Variants in PCDHA3 observed in about 807,000 individuals in gnomAD.
PCDHA3 encodes protocadherin alpha-3.
Under a neutral mutation model 62.2 loss-of-function variants are expected in PCDHA3, and 41 were observed. That is an observed-to-expected ratio of 0.66 (90% CI 0.51 to 0.86). The LOEUF (loss-of-function observed/expected upper bound fraction) is 0.86. Ranked by LOEUF, PCDHA3 falls within the 40% of genes least tolerant of loss-of-function variation. The pLI is 0.00. For synonymous variants in PCDHA3, 640 were observed against 555.4 expected (o/e 1.15, Z -2.14); for missense variants, 1,304 against 1,241.2 (o/e 1.05, Z -0.76).
At chr5:140,921,287 A>C (rs1563045357) in intron 1 of PCDHA3, among the ~76,000 whole-genome samples, 1 of 152,210 alleles carries the variant, frequency 6.6e-6, no homozygotes. Flanking sequence ...AAAAAACCTC[A>C]AATTTGCTGA....
chr5:140,884,651 T>G (rs2153405863), intron 1 of PCDHA3: 2 of 1,604,404 alleles, frequency 1.2e-6, no homozygotes, highest in Non-Finnish European at 1.7e-6. Flanking sequence ...GGACTCAGAA[T>G]GCTTGAAAGA....
At chr5:140,877,207 G>T in intron 1 of PCDHA3, 1 of 1,613,796 alleles carries the variant, frequency 6.2e-7, no homozygotes, top group Non-Finnish European at 8.5e-7. Flanking sequence ...CGCAGTTAGC[G>T]AGTTGGTACC....
intron 1 of PCDHA3, chr5:140,869,914 G>A (rs782742972): frequency 6.2e-7 from 1 of 1,611,078 alleles, no homozygotes; most frequent in South Asian, 1.1e-5. Context: ...AGACCGAGAC[G>A]AAGGAGTCAA....
intron 1 of PCDHA3, chr5:140,830,562 T>G (rs1411985813): frequency 4.0e-6 from 4 of 990,432 alleles, no homozygotes; most frequent in Admixed American, 6.9e-5. Context: ...GTCTTCTATA[T>G]TTCTGTTTTT....
chr5:140,995,233 G>A (rs1359304274), intron 3 of PCDHA3, among the ~76,000 whole-genome samples: 1 of 152,128 alleles, frequency 6.6e-6, no homozygotes, highest in Non-Finnish European at 1.5e-5. Flanking sequence ...TTTGGGGCCA[G>A]TATTAAGTAA....
intron 1 of PCDHA3, chr5:140,966,752 C>T (rs1013247328): frequency 3.5e-6 from 5 of 1,432,026 alleles, no homozygotes; most frequent in Non-Finnish European, 4.6e-6. Flanking sequence ...GCTGCCTCCG[C>T]CGCGGCCAGT....
At chr5:140,958,503 C>T (rs1426161443) in intron 1 of PCDHA3, among the ~76,000 whole-genome samples, 1 of 152,118 alleles carries the variant, frequency 6.6e-6, no homozygotes, top group Non-Finnish European at 1.5e-5. Context: ...TCCTAGGAGG[C>T]ATGGCTGTCC....
At chr5:140,859,508 T>A (rs1298997050) in intron 1 of PCDHA3, 1 of 197,594 alleles carries the variant, frequency 5.1e-6, no homozygotes, top group Non-Finnish European at 1.0e-5. Flanking sequence ...CTGATACCCA[T>A]GATTTCATTT....
intron 1 of PCDHA3, among the ~76,000 whole-genome samples, chr5:140,846,785 T>C (rs1780675366): frequency 6.7e-6 from 1 of 149,494 alleles, no homozygotes; most frequent in South Asian, 2.1e-4. Flanking sequence ...GAATTATTAC[T>C]GAGCCCCAGC....
At chr5:140,854,174 A>AAAAAGAGT in intron 1 of PCDHA3, 1 of 680,558 alleles carries the variant, frequency 1.5e-6, no homozygotes, top group Non-Finnish European at 1.8e-6. Context: ...AAAAAAAAAA[A>AAAAAGAGT]AAGAGTAGTT....
chr5:140,926,215 C>T (rs2083014396), intron 1 of PCDHA3, among the ~76,000 whole-genome samples: 1 of 152,170 alleles, frequency 6.6e-6, no homozygotes, highest in Non-Finnish European at 1.5e-5. Flanking sequence ...CTCCTGTTTC[C>T]TTAAGCCTAG....
intron 1 of PCDHA3, among the ~76,000 whole-genome samples, chr5:140,957,373 T>C (rs906109440): frequency 6.6e-5 from 10 of 152,310 alleles, no homozygotes; most frequent in African/African-American, 2.2e-4. Context: ...ACTTTTATTA[T>C]AGTGTATTGT....
intron 1 of PCDHA3, chr5:140,858,628 C>T (rs574787408): frequency 1.8e-6 from 2 of 1,091,216 alleles, no homozygotes; most frequent in South Asian, 3.4e-5. Context: ...CCCAGTGTGT[C>T]AGCCTTTGAT....
At chr5:140,823,145 C>T in intron 1 of PCDHA3, 7 of 1,614,012 alleles carry the variant, frequency 4.3e-6, no homozygotes, top group Non-Finnish European at 5.1e-6. Context: ...TTCGCGCAGC[C>T]CCAGTATACC....
At chr5:140,895,130 G>A (rs1423440826) in intron 1 of PCDHA3, among the ~76,000 whole-genome samples, 11 of 152,232 alleles carry the variant, frequency 7.2e-5, no homozygotes, top group African/African-American at 2.6e-4. Flanking sequence ...TAGTTGACAA[G>A]TTCATAGGGC....
rs184648626 is a variant in PCDHA3, at chr5:140,812,236, T to C, written c.2394+8645T>C. The stretch of plus-strand genomic sequence containing the variant: ...GTTTAGATTTTTTATGATTATGTCT[T>C]GGTAGTTTGTATGTTTCTAGGAATT... On this transcript the variant is annotated intron_variant, in intron 1 of 3. Transcript: ENST00000522353. 1.3e-3 allele frequency: 195 copies of C among 152,146 alleles called. 1 individual carries two copies. Among genetic ancestry groups the C allele is most frequent in the African/African-American group, 4.2e-3 (176 of 41,522 alleles). 9.4% of individuals were successfully genotyped at this position (152,146 alleles called of 1,614,324 possible). A position where few individuals can be genotyped will look rare whatever the true frequency, so the allele number is the denominator to read the frequency against.
At chr5:140,873,454 T>C (rs1251903132) in intron 1 of PCDHA3, among the ~76,000 whole-genome samples, 1 of 152,170 alleles carries the variant, frequency 6.6e-6, no homozygotes, top group African/African-American at 2.4e-5. Context: ...CAAATTTGCA[T>C]TTTAGATAAT....
intron 1 of PCDHA3, among the ~76,000 whole-genome samples, chr5:140,920,841 T>TA (rs781921146): frequency 0.047 from 5,179 of 109,134 alleles, 120 homozygotes; most frequent in African/African-American, 0.092. Flanking sequence ...AGACCAAATC[T>TA]AAAAAAAAAA....
intron 1 of PCDHA3, among the ~76,000 whole-genome samples, chr5:140,921,910 A>G (rs1474219286): frequency 6.6e-6 from 1 of 152,086 alleles, no homozygotes; most frequent in Non-Finnish European, 1.5e-5. Context: ...TATATATTAC[A>G]TGATAAAACT....
Sources: gnomAD v4.1 joint callset for allele counts (sites outside exome capture counted in the v4.1 genomes callset) on GRCh38, gnomAD v4.1.1 for gene constraint, MANE v1.5 for transcripts, NCBI Gene and HGNC (gene_info 2026-07-23, HGNC 2026-07-21) for gene names.